Variants in INTS7 observed in about 807,000 individuals in gnomAD.
INTS7 encodes the protein integrator complex subunit 7, also known as chromosome 1 open reading frame 73.
A neutral mutation model predicts 109.2 loss-of-function variants in INTS7; 46 were observed. The ratio of observed to expected loss-of-function variants is 0.42; its 90% CI spans 0.33 to 0.54. The LOEUF (loss-of-function observed/expected upper bound fraction) is 0.54. Ranked by LOEUF, INTS7 falls within the 20% of genes least tolerant of loss-of-function variation. The pLI is 0.07. For synonymous variants in INTS7, 412 were observed against 402.9 expected, an observed-to-expected ratio of 1.02 and a Z score of -0.27; for missense variants, 929 against 1,132.4, an observed-to-expected ratio of 0.82 and a Z score of 2.58.
intron 1 of INTS7, among the ~76,000 whole-genome samples, chr1:212,022,916 T>C (rs899846621): frequency 2.0e-5 from 3 of 152,100 alleles, no homozygotes; most frequent in Non-Finnish European, 4.4e-5. Context: ...CTCCCTACTT[T>C]TAAAAGTCCC....
At chr1:211,971,963 A>G (rs982725128) in intron 13 of INTS7, among the ~76,000 whole-genome samples, 2 of 151,632 alleles carry the variant, frequency 1.3e-5, no homozygotes, top group Non-Finnish European at 2.9e-5. Flanking sequence ...GAAAAAGAAA[A>G]AATTATAAAG....
Position 211,996,053 on chromosome 1 carries a change from GA to G in INTS7, c.880-8051del, listed in dbSNP as rs200968811. ...ATCAAAATTTCACACACTGACAAGA[GA>G]AAAAAACTAATTTAAGATATAGTAT... On this transcript the variant is annotated intron_variant, in intron 7 of 19. Coordinates refer to ENST00000366994, the MANE Select transcript of INTS7 (RefSeq NM_015434.4). Among the ~76,000 whole-genome samples, 1,510 of 152,206 alleles carry G rather than the reference GA, an allele frequency of 9.9e-3. 31 individuals are homozygous for G. Among genetic ancestry groups the G allele is most frequent in the African/African-American group, 0.034 (1,409 of 41,524 alleles).
intron 7 of INTS7, among the ~76,000 whole-genome samples, chr1:211,999,491 G>A (rs551964145): frequency 1.3e-5 from 2 of 152,272 alleles, no homozygotes; most frequent in African/African-American, 2.4e-5. Flanking sequence ...AGAAACTTCT[G>A]GGGGTAATGA....
intron 5 of INTS7, 21 bp from the exon 6 acceptor site, chr1:212,007,470 C>T: frequency 6.3e-7 from 1 of 1,580,298 alleles, no homozygotes; most frequent in Non-Finnish European, 8.7e-7. Flanking sequence ...AAATAATTCT[C>T]AAGGTATTTG....
At position 211,947,540 on chromosome 1, in the gene INTS7, A is replaced by G. The variant is rs955739917; in HGVS notation, c.2317-835T>C. On this transcript the variant is annotated intron_variant, in intron 17 of 19. Coordinates refer to ENST00000366994, the MANE Select transcript of INTS7 (RefSeq NM_015434.4). ...AGTGGCCTCGTAAGTCACCACAGTG[A>G]GGCAGCGCTCCTTTCACGGGGGCAC... 3.1e-4 allele frequency among the ~76,000 whole-genome samples: 47 copies of G among 152,288 alleles called. 1 individual carries two copies. Among genetic ancestry groups the G allele is most frequent in the South Asian group, 1.0e-3 (5 of 4,820 alleles).
chr1:212,023,917 A>T (rs1233273306), intron 1 of INTS7, among the ~76,000 whole-genome samples: 2 of 152,200 alleles, frequency 1.3e-5, no homozygotes, highest in African/African-American at 4.8e-5. Context: ...GTCCAGTTTC[A>T]TTCTTCTGCA....
rs754493586 is a variant in INTS7 at position 211,941,875 on chromosome 1, G to A, written c.2838C>T (p.Ala946=). The A allele has an allele frequency of 1.9e-5, 31 of 1,614,020 alleles. No individual in the cohort carries two copies. Among genetic ancestry groups the A allele is most frequent in the Non-Finnish European group, 2.4e-5 (28 of 1,180,024 alleles). ...GCTGCTGCTGCTGTAATGGCTGCTG[G>A]GCTTGCTGCTGTTGTAAGCGAATTT... ...SQQIRLQQQQ[A]QQPLQQQQQR... is the part of the protein sequence containing the mutation. Residue 946 remains alanine (A), a synonymous_variant, in exon 20 of 20, where the codon GCC becomes GCT. Coordinates refer to ENST00000366994, the MANE Select transcript of INTS7 (RefSeq NM_015434.4).
chr1:211,966,371 G>T, intron 16 of INTS7, 59 bp downstream of exon 16: 1 of 946,310 alleles, frequency 1.1e-6, no homozygotes, highest in Non-Finnish European at 1.7e-6. Flanking sequence ...CTGATGATTA[G>T]GTAAGACAAT....
Position 211,942,602 on chromosome 1 carries a change from C to G in INTS7, c.2602-491G>C, listed in dbSNP as rs1181227319. On this transcript the variant is annotated intron_variant, in intron 19 of 19. Transcript: ENST00000366994. The surrounding 1 kb of genome is among the most constrained non-coding windows in gnomAD (Gnocchi z 4.2). ...AAGCAAATTTAAGTTAGGTTCCCCC[C>G]CAACAGTTAGTCTGATTTTTATTAC... 2.0e-5 allele frequency among the ~76,000 whole-genome samples: 3 copies of G among 152,174 alleles called. No individual in the cohort carries two copies. The highest frequency in any genetic ancestry group is 4.4e-5 in the Non-Finnish European group (3 of 68,028).
In INTS7 at chr1:212,007,366, C is replaced by T; in HGVS notation, c.640G>A (p.Ala214Thr). 6.2e-7 allele frequency: 1 copy of T among 1,613,944 alleles called. No individual in the cohort carries two copies. The change falls in exon 6 of 20, where the codon GCT becomes ACT. Residue 214 changes from alanine to threonine, a missense_variant. This residue lies in a region of INTS7 where 787 missense variants were observed against 901.1 expected (regional missense o/e 0.87). Transcript: ENST00000366994. The part of the protein sequence containing the change: ...MHHDAILASS[A>T]RQLLQQLVTS... ...ACCAGCTGTTGTAAAAGCTGACGAGCACTGGAAGCCAAGATTGCATCATGG... is the reference window on the plus strand; with the variant it reads ...ACCAGCTGTTGTAAAAGCTGACGAGTACTGGAAGCCAAGATTGCATCATGG...
At chr1:211,982,833 T>G (rs71646136) in intron 8 of INTS7, 23 bp from the exon 9 acceptor site, 1 of 1,580,474 alleles carries the variant, frequency 6.3e-7, no homozygotes, top group African/African-American at 1.4e-5. Flanking sequence ...AGAAAAGTAG[T>G]AGAAATTGTA....
At chr1:212,027,525 A>G (rs1489391778) in intron 1 of INTS7, among the ~76,000 whole-genome samples, 1 of 152,240 alleles carries the variant, frequency 6.6e-6, no homozygotes, top group Non-Finnish European at 1.5e-5. Context: ...GCCTGGACTT[A>G]AACAGTGCTT....
intron 16 of INTS7, among the ~76,000 whole-genome samples, chr1:211,955,736 C>G (rs796818877): frequency 2.9e-4 from 44 of 152,306 alleles, no homozygotes; most frequent in African/African-American, 1.0e-3. Flanking sequence ...TTCACAACTA[C>G]TCTGGGAAAC....
At chr1:211,969,596 C>A (rs1275566985) in intron 13 of INTS7, among the ~76,000 whole-genome samples, 3 of 144,590 alleles carry the variant, frequency 2.1e-5, no homozygotes, top group Non-Finnish European at 4.5e-5. Context: ...CATTCTATCA[C>A]CCAGGCCGGA....
At chr1:211,965,609 A>T (rs758629390) in intron 16 of INTS7, among the ~76,000 whole-genome samples, 45 of 151,922 alleles carry the variant, frequency 3.0e-4, no homozygotes, top group Non-Finnish European at 5.6e-4. Context: ...ATGAAATACT[A>T]CGCAGCCATA....
Position 211,944,927 on chromosome 1 carries a change from C to G in INTS7, c.2458G>C (p.Ala820Pro). The G allele has an allele frequency of 1.2e-6, 2 of 1,614,194 alleles. No homozygotes were observed. Among genetic ancestry groups the G allele is most frequent in the Non-Finnish European group, 1.7e-6 (2 of 1,180,032 alleles). Reference protein sequence around the residue: ...PSPRNPAEPIAVQNNQQLALK... With the variant: ...PSPRNPAEPIPVQNNQQLALK... ...GCCAGCTGCTGGTTATTCTGGACAG[C>G]AATGGGCTCTGCAGGATTCCGGGGC... is the stretch of plus-strand genomic sequence containing the variant. Residue 820 changes from alanine (A) to proline (P), a missense_variant, in exon 19 of 20, where the codon GCT (alanine) becomes CCT (proline). This residue lies in a region of INTS7 where 787 missense variants were observed against 901.1 expected (regional missense o/e 0.87). Transcript: ENST00000366994.
At chr1:211,948,947 C>T (rs1156541144) in intron 17 of INTS7, among the ~76,000 whole-genome samples, 4 of 152,228 alleles carry the variant, frequency 2.6e-5, no homozygotes, top group African/African-American at 9.6e-5. Context: ...CCTCGTGATC[C>T]ACCCGCCTTG....
At chr1:211,947,811 G>A (rs1021330922) in intron 17 of INTS7, among the ~76,000 whole-genome samples, 3 of 152,182 alleles carry the variant, frequency 2.0e-5, no homozygotes, top group Non-Finnish European at 4.4e-5. Flanking sequence ...GTGGACTTCT[G>A]AGTAAAAGGC....
rs370205830 is a variant in INTS7 at position 212,011,466 on chromosome 1, T to C, written c.510-45A>G. 3.7e-4 allele frequency: 460 copies of C among 1,229,488 alleles called. 2 individuals carry two copies. Among genetic ancestry groups the C allele is most frequent in the Non-Finnish European group, 2.2e-4 (191 of 851,804 alleles). 76.2% of individuals were successfully genotyped at this position (1,229,488 alleles called of 1,614,324 possible). A position where few individuals can be genotyped will look rare whatever the true frequency, so the allele number is the denominator to read the frequency against. On this transcript the variant is annotated intron_variant, in intron 4 of 19. Transcript: ENST00000366994. Reference sequence around the variant, plus strand: ...AGAACAGAAAAAACTTACATTTGCTTATATTTTCTAAGGACTTAAAAGAAA... The same window carrying C: ...AGAACAGAAAAAACTTACATTTGCTCATATTTTCTAAGGACTTAAAAGAAA...
Sources: allele counts gnomAD v4.1 joint callset (sites outside exome capture counted in the v4.1 genomes callset), GRCh38; gene constraint gnomAD v4.1.1; regional missense constraint gnomAD v4.1.1; non-coding constraint Gnocchi (gnomAD v3.1); transcripts MANE v1.5; gene names NCBI Gene and HGNC (gene_info 2026-07-23, HGNC 2026-07-21).